Variants in GRID1 observed in about 807,000 individuals in gnomAD.
GRID1 encodes the protein glutamate receptor ionotropic, delta-1.
Under a neutral mutation model 98.0 loss-of-function variants are expected in GRID1, and 28 were observed. The observed-to-expected ratio is 0.29, with a 90% confidence interval of 0.21 to 0.39. The LOEUF is 0.39. GRID1 is among the 10% of genes least tolerant of loss of function. GRID1 has a pLI of 1.00. For missense variants in GRID1, 1,111 were observed against 1,340.5 expected (o/e 0.83, Z 2.67); for synonymous variants, 553 against 538.5 (o/e 1.03, Z -0.37).
At chr10:85,735,615 G>C (rs1841871124) in intron 8 of GRID1, among the ~76,000 whole-genome samples, 1 of 152,146 alleles carries the variant, frequency 6.6e-6, no homozygotes, top group Admixed American at 6.5e-5. Context: ...GCATCCTTTG[G>C]AAGATTGGGC....
At chr10:85,876,940 ACAC>A (rs1174534686) in intron 5 of GRID1, among the ~76,000 whole-genome samples, 2 of 152,228 alleles carry the variant, frequency 1.3e-5, no homozygotes, top group African/African-American at 4.8e-5. Flanking sequence ...AAAAAATTGC[ACAC>A]CAGGAGATTA....
intron 4 of GRID1, among the ~76,000 whole-genome samples, chr10:86,011,059 C>G (rs570259326): frequency 5.9e-5 from 9 of 152,036 alleles, no homozygotes; most frequent in Non-Finnish European, 1.3e-4. Flanking sequence ...GAAAAAAACT[C>G]ACACTGGATG....
intron 4 of GRID1, among the ~76,000 whole-genome samples, chr10:86,081,275 GC>G (rs2131930507): frequency 6.6e-6 from 1 of 152,326 alleles, no homozygotes; most frequent in South Asian, 2.1e-4. Context: ...TGCAAAGAGG[GC>G]CGTGCAGAGA....
chr10:86,308,471 A>T (rs928058516), intron 2 of GRID1, among the ~76,000 whole-genome samples: 2 of 151,894 alleles, frequency 1.3e-5, no homozygotes, highest in Non-Finnish European at 2.9e-5. Context: ...AACACCAAAC[A>T]CCCAGCCTCA....
intron 8 of GRID1, among the ~76,000 whole-genome samples, chr10:85,852,084 C>T (rs866329308): frequency 6.6e-6 from 1 of 152,146 alleles, no homozygotes; most frequent in African/African-American, 2.4e-5. Context: ...TTAATGCACC[C>T]TAGGCCTGAA....
At chr10:86,034,075 A>G (rs1228472420) in intron 4 of GRID1, among the ~76,000 whole-genome samples, 11 of 152,254 alleles carry the variant, frequency 7.2e-5, no homozygotes. Context: ...TACCCTTCAG[A>G]GTAATCAAAT....
At chr10:86,164,603 G>A (rs369273361) in intron 3 of GRID1, among the ~76,000 whole-genome samples, 29 of 152,198 alleles carry the variant, frequency 1.9e-4, no homozygotes, top group African/African-American at 6.8e-4. Context: ...GTTAAACAAG[G>A]ACAAAGTCTA....
Position 86,366,237 on chromosome 10 carries a change from C to A in GRID1, c.79+77G>T. The A allele has an allele frequency of 9.2e-7, 1 of 1,082,090 alleles. No individual in the cohort carries two copies. Among genetic ancestry groups the A allele is most frequent in the East Asian group, 3.5e-5 (1 of 28,680 alleles). The allele number at this position is 1,082,090 out of a possible 1,614,324, so 67.0% of individuals were successfully genotyped here. The stretch of plus-strand genomic sequence containing the variant: ...CCGAGCCCCTCGGCCCAGGGAAACG[C>A]CAAGTTTGGACGCCGCGCACCCCCT... On this transcript the variant is annotated intron_variant, in intron 1 of 15. Coordinates refer to ENST00000327946, the MANE Select transcript of GRID1 (RefSeq NM_017551.3). This position sits in a 1 kb window ranked among gnomAD's most constrained non-coding sequence, Gnocchi z 4.1.
intron 8 of GRID1, among the ~76,000 whole-genome samples, chr10:85,818,266 G>A (rs1842733333): frequency 6.6e-6 from 1 of 152,210 alleles, no homozygotes; most frequent in Admixed American, 6.5e-5. Context: ...ATACATGTAT[G>A]TGTGTTTATA....
intron 5 of GRID1, among the ~76,000 whole-genome samples, chr10:85,879,988 A>G (rs1468430190): frequency 6.6e-6 from 1 of 152,218 alleles, no homozygotes; most frequent in African/African-American, 2.4e-5. Flanking sequence ...AGAATACTAT[A>G]AACACCTCTA....
At chr10:85,671,545 ATC>A (rs370389403) in intron 12 of GRID1, among the ~76,000 whole-genome samples, 2 of 151,268 alleles carry the variant, frequency 1.3e-5, no homozygotes, top group East Asian at 1.9e-4. Context: ...CCGTTCCCTC[ATC>A]TCTCTCTCTC....
chr10:86,315,644 T>C (rs560770841), intron 2 of GRID1, among the ~76,000 whole-genome samples: 6 of 151,978 alleles, frequency 3.9e-5, no homozygotes, highest in African/African-American at 1.5e-4. Context: ...GACCCATCCA[T>C]GCACTCACCC....
rs549808100 is a variant in GRID1 at position 85,988,729 on chromosome 10, G to A, written c.727-72490C>T. Among the ~76,000 whole-genome samples, 8 of 152,336 alleles carry A rather than the reference G, an allele frequency of 5.3e-5. No individual in the cohort carries two copies. The East Asian group carries it at 1.5e-3, about 29-fold the overall frequency. On this transcript the variant is annotated intron_variant, in intron 4 of 15. Coordinates refer to ENST00000327946, the MANE Select transcript of GRID1 (RefSeq NM_017551.3). ...CACGTGGGTATGGGCGCAGGAATCT[G>A]TAGGGACTTCACAACCAAAGCCACT... is the stretch of plus-strand genomic sequence containing the variant.
chr10:86,083,090 A>C (rs1240059735), intron 4 of GRID1, among the ~76,000 whole-genome samples: 1 of 152,244 alleles, frequency 6.6e-6, no homozygotes, highest in Admixed American at 6.5e-5. Flanking sequence ...AGTCTGTGAA[A>C]TGACTGAGTG....
At chr10:86,207,778 C>T (rs1311997236) in intron 2 of GRID1, among the ~76,000 whole-genome samples, 5 of 151,882 alleles carry the variant, frequency 3.3e-5, no homozygotes, top group African/African-American at 1.2e-4. Context: ...ACTACAGGCA[C>T]GCGCCACCAT....
At chr10:85,735,380 G>GTGCT (rs1257709161) in intron 8 of GRID1, among the ~76,000 whole-genome samples, 5 of 152,176 alleles carry the variant, frequency 3.3e-5, no homozygotes, top group Non-Finnish European at 7.4e-5. Context: ...ATCATCACTT[G>GTGCT]AAAGGAGATA....
chr10:85,751,622 G>C (rs1471129450), intron 8 of GRID1, among the ~76,000 whole-genome samples: 5 of 151,850 alleles, frequency 3.3e-5, no homozygotes, highest in African/African-American at 1.2e-4. Flanking sequence ...GTAAAAGGTG[G>C]GGAATGAAAA....
At chr10:85,908,825 T>A (rs751511115) in intron 5 of GRID1, among the ~76,000 whole-genome samples, 6 of 152,250 alleles carry the variant, frequency 3.9e-5, no homozygotes, top group African/African-American at 1.2e-4. Flanking sequence ...GAATGTCGGA[T>A]TGGCATAAAG....
At chr10:86,030,802 C>T (rs1200362146) in intron 4 of GRID1, among the ~76,000 whole-genome samples, 1 of 152,176 alleles carries the variant, frequency 6.6e-6, no homozygotes, top group Non-Finnish European at 1.5e-5. Context: ...TAACAAAGAG[C>T]AGCCTGTAAA....
Sources: gnomAD v4.1 joint callset for allele counts (sites outside exome capture counted in the v4.1 genomes callset) on GRCh38, gnomAD v4.1.1 for gene constraint, Gnocchi (gnomAD v3.1) non-coding constraint, MANE v1.5 for transcripts, NCBI Gene and HGNC (gene_info 2026-07-23, HGNC 2026-07-21) for gene names.